The following BICRAL variants were observed in gnomAD, a reference collection of about 807,000 sequenced individuals.
The protein encoded by BICRAL is BRD4-interacting chromatin-remodeling complex-associated protein-like.
Under a neutral mutation model 91.8 loss-of-function variants are expected in BICRAL, and 8 were observed. The ratio of observed to expected loss-of-function variants is 0.09; its 90% CI spans 0.05 to 0.16. The LOEUF is 0.16. Among genes scored for constraint, BICRAL ranks in the 10% least tolerant of loss-of-function variants. BICRAL has a pLI of 1.00. For synonymous variants in BICRAL, 445 were observed against 491.1 expected (o/e 0.91, Z 1.24); for missense variants, 1,038 against 1,310.9 (o/e 0.79, Z 3.21).
chr6:42,783,279 G>GGCCCAGCC lies in BICRAL; in HGVS notation c.-102+1180_-102+1187dup, dbSNP rs1289179150. On this transcript the variant is annotated intron_variant, in intron 1 of 12. Coordinates refer to ENST00000314073, the MANE Select transcript of BICRAL (RefSeq NM_001393499.1). ...GCCCCCAGCCGCGCGGAGGACCGGC[G>GGCCCAGCC]GCCCAGCCGGGCGTCTCCTGCGAGG... Among the ~76,000 whole-genome samples, 4 of 152,086 alleles carry GGCCCAGCC rather than the reference G, an allele frequency of 2.6e-5. No individual in the cohort carries two copies. The East Asian group carries it at 7.7e-4, about 29-fold the overall frequency.
At chr6:42,757,409 G>A (rs1036320272) in intron 1 of BICRAL, among the ~76,000 whole-genome samples, 17 of 151,926 alleles carry the variant, frequency 1.1e-4, no homozygotes, top group African/African-American at 4.1e-4. Flanking sequence ...CTGCCACAAC[G>A]CCCCAGCTAA....
rs116198854 is a variant in BICRAL at position 42,835,073 on chromosome 6, A to G, written c.1839+4901A>G. Among the ~76,000 whole-genome samples, 281 of 152,106 alleles carry G rather than the reference A, an allele frequency of 1.8e-3. 1 individual carries two copies. Among genetic ancestry groups the G allele is most frequent in the African/African-American group, 6.5e-3 (268 of 41,506 alleles). On this transcript the variant is annotated intron_variant, in intron 6 of 12. Coordinates refer to ENST00000314073, the MANE Select transcript of BICRAL (RefSeq NM_001393499.1). ...AATCCATGACTACAGAATTCATCCA[A>G]GTCTCTCTCTTTTCCATATTTGTAT...
chr6:42,815,251 G>A (rs1763958480), intron 2 of BICRAL, among the ~76,000 whole-genome samples: 1 of 149,270 alleles, frequency 6.7e-6, no homozygotes, highest in Non-Finnish European at 1.5e-5. Context: ...GTGCAGTGGG[G>A]CAATCTTGGC....
chr6:42,822,022 C>A lies in BICRAL; in HGVS notation c.-1C>A. 1 of 1,603,730 alleles carries A rather than the reference C, an allele frequency of 6.2e-7. No individual in the cohort carries two copies. Among genetic ancestry groups the A allele is most frequent in the South Asian group, 1.1e-5 (1 of 90,720 alleles). On this transcript the variant is annotated 5_prime_UTR_variant, in exon 3 of 13. Coordinates refer to ENST00000314073, the MANE Select transcript of BICRAL (RefSeq NM_001393499.1). ...TCCTCTCCCTTTTCTTTATAGTTGT[C>A]ATGGATGATGATGATGACTCGTGTC...
intron 1 of BICRAL, among the ~76,000 whole-genome samples, chr6:42,771,764 A>G (rs1218447998): frequency 6.6e-6 from 1 of 152,088 alleles, no homozygotes; most frequent in African/African-American, 2.4e-5. Context: ...AGCTAGTATA[A>G]TTCCCAGGCT....
chr6:42,787,487 G>A (rs930467222), intron 1 of BICRAL, among the ~76,000 whole-genome samples: 1 of 151,988 alleles, frequency 6.6e-6, no homozygotes, highest in Non-Finnish European at 1.5e-5. Context: ...AGCCCTGCGA[G>A]ACTGGAGTAA....
rs1765734971 is a variant in BICRAL, at chr6:42,867,197, AAC to A, written c.*1755_*1756del. 4.8e-6 allele frequency: 1 copy of A among 209,454 alleles called. No individual in the cohort carries two copies. Among genetic ancestry groups the A allele is most frequent in the South Asian group, 7.8e-5 (1 of 12,854 alleles). The allele number at this position is 209,454 out of a possible 1,614,324, so 13.0% of individuals were successfully genotyped here. On this transcript the variant is annotated 3_prime_UTR_variant, in exon 13 of 13. Coordinates refer to ENST00000314073, the MANE Select transcript of BICRAL (RefSeq NM_001393499.1). The stretch of plus-strand genomic sequence containing the variant: ...TGGAAAGGAAGGCTTCTAATTAGAA[AAC>A]ACAGCAACAGAAGACCTATACCCCG...
intron 1 of BICRAL, among the ~76,000 whole-genome samples, chr6:42,796,044 G>A (rs1464949191): frequency 6.6e-6 from 1 of 152,138 alleles, no homozygotes; most frequent in Non-Finnish European, 1.5e-5. Flanking sequence ...TGGTGTGAGA[G>A]CATCTATTCA....
intron 1 of BICRAL, among the ~76,000 whole-genome samples, chr6:42,747,650 G>C (rs71560779): frequency 6.6e-6 from 1 of 152,216 alleles, no homozygotes; most frequent in Non-Finnish European, 1.5e-5. Flanking sequence ...GGGCAGGGGA[G>C]AGGCTTGTGT....
chr6:42,746,528 G>T (rs375276604), upstream of BICRAL, among the ~76,000 whole-genome samples: 1 of 152,012 alleles, frequency 6.6e-6, no homozygotes, highest in African/African-American at 2.4e-5. Context: ...TGGTGGGTTG[G>T]GGGGACAGGT....
chr6:42,806,796 T>G (rs1763720076), intron 1 of BICRAL, among the ~76,000 whole-genome samples: 1 of 151,978 alleles, frequency 6.6e-6, no homozygotes, highest in South Asian at 2.1e-4. Context: ...ATTACAAGCA[T>G]GAGCCACTGT....
At chr6:42,785,901 A>G (rs1763092005) in intron 1 of BICRAL, among the ~76,000 whole-genome samples, 1 of 152,230 alleles carries the variant, frequency 6.6e-6, no homozygotes, top group South Asian at 2.1e-4. Context: ...TAAAAATACA[A>G]AAATTAGCCG....
chr6:42,760,026 C>G (rs1230565774), intron 1 of BICRAL, among the ~76,000 whole-genome samples: 1 of 152,118 alleles, frequency 6.6e-6, no homozygotes, highest in Non-Finnish European at 1.5e-5. Flanking sequence ...GGGTGGATCA[C>G]CTGAGGTCAG....
At chr6:42,791,793 G>C (rs1763281307) in intron 1 of BICRAL, among the ~76,000 whole-genome samples, 1 of 152,102 alleles carries the variant, frequency 6.6e-6, no homozygotes, top group African/African-American at 2.4e-5. Context: ...ATACAGTCAT[G>C]TGTCATTTAA....
chr6:42,785,899 C>T (rs1032145035), intron 1 of BICRAL, among the ~76,000 whole-genome samples: 1 of 152,144 alleles, frequency 6.6e-6, no homozygotes, highest in Non-Finnish European at 1.5e-5. Context: ...ACTAAAAATA[C>T]AAAAATTAGC....
At position 42,865,525 on chromosome 6, in the gene BICRAL, C is replaced by A; in HGVS notation, c.*79C>A. 1 of 711,144 alleles carries A rather than the reference C, an allele frequency of 1.4e-6. No homozygotes were observed. The allele number at this position is 711,144 out of a possible 1,614,324, so 44.1% of individuals were successfully genotyped here. On this transcript the variant is annotated 3_prime_UTR_variant, in exon 13 of 13. Transcript: ENST00000314073. Reference sequence around the variant, plus strand: ...CCGGACCAGTTACATTCGTTCCTGGCAAAAGCAAATGGAAATGGTCTCCTG... The same window carrying A: ...CCGGACCAGTTACATTCGTTCCTGGAAAAAGCAAATGGAAATGGTCTCCTG...
At chr6:42,794,142 A>G (rs1405352727) in intron 1 of BICRAL, among the ~76,000 whole-genome samples, 3 of 151,956 alleles carry the variant, frequency 2.0e-5, no homozygotes, top group Non-Finnish European at 4.4e-5. Context: ...AGCCTCCCAG[A>G]TAGCACGGAT....
chr6:42,837,391 A>G (rs926795039), intron 6 of BICRAL, among the ~76,000 whole-genome samples: 8 of 152,142 alleles, frequency 5.3e-5, no homozygotes, highest in Admixed American at 6.6e-5. Context: ...AATGTTAGAG[A>G]TAACTATGTT....
At chr6:42,843,961 C>G (rs1295501220) in intron 6 of BICRAL, among the ~76,000 whole-genome samples, 1 of 147,790 alleles carries the variant, frequency 6.8e-6, no homozygotes, top group African/African-American at 2.5e-5. Flanking sequence ...ACCATGCCGG[C>G]TAATTTTTTT....
Sources: gnomAD v4.1 joint callset for allele counts (sites outside exome capture counted in the v4.1 genomes callset) on GRCh38, gnomAD v4.1.1 for gene constraint, MANE v1.5 for transcripts, NCBI Gene and HGNC (gene_info 2026-07-23, HGNC 2026-07-21) for gene names.